METAP1D: variants seen among roughly 807,000 people sequenced by gnomAD.
The protein encoded by METAP1D is methionyl aminopeptidase type 1D, mitochondrial, also known as methionine aminopeptidase 1D, mitochondrial.
METAP1D carries 31 observed loss-of-function variants against 40.5 expected under a neutral mutation model. The ratio of observed to expected loss-of-function variants is 0.77; its 90% CI spans 0.58 to 1.03. The LOEUF (loss-of-function observed/expected upper bound fraction) is 1.03, where lower values mean the gene tolerates loss of function less well. Among genes scored for constraint, METAP1D ranks in the 50% least tolerant of loss-of-function variants. The probability of loss-of-function intolerance (pLI) is 0.00; values close to 1 mark genes in which losing one functional copy is unlikely to be tolerated. For synonymous variants in METAP1D, 151 were observed against 146.4 expected, an observed-to-expected ratio of 1.03 and a Z score of -0.22; for missense variants, 411 against 420.7, an observed-to-expected ratio of 0.98 and a Z score of 0.20.
At chr2:172,042,239 GTA>G (rs1559006820) in intron 1 of METAP1D, among the ~76,000 whole-genome samples, 2 of 37,140 alleles carry the variant, frequency 5.4e-5, no homozygotes, top group African/African-American at 6.2e-5. Flanking sequence ...ATATACATAT[GTA>G]TGTGTACATG....
At chr2:172,018,451 C>T (rs1688930906) in intron 1 of METAP1D, among the ~76,000 whole-genome samples, 2 of 152,204 alleles carry the variant, frequency 1.3e-5, no homozygotes, top group African/African-American at 4.8e-5. Flanking sequence ...CAGGAATCAA[C>T]TGGTGGCACC....
chr2:172,033,154 A>G (rs1689278617), intron 1 of METAP1D, among the ~76,000 whole-genome samples: 1 of 152,148 alleles, frequency 6.6e-6, no homozygotes, highest in Admixed American at 6.5e-5. Context: ...AATACAAAGG[A>G]CAGAGAAACA....
chr2:172,024,003 C>T (rs536609587), intron 1 of METAP1D, among the ~76,000 whole-genome samples: 48 of 151,954 alleles, frequency 3.2e-4, no homozygotes, highest in East Asian at 1.9e-3. Flanking sequence ...TACAGGCGCC[C>T]GCCACCATGC....
chr2:172,052,146 G>C (rs1275534329), intron 1 of METAP1D, among the ~76,000 whole-genome samples: 1 of 152,198 alleles, frequency 6.6e-6, no homozygotes, highest in African/African-American at 2.4e-5. Flanking sequence ...TCCAACACCT[G>C]CATACCAACT....
rs536755610 is a variant in METAP1D at position 172,005,630 on chromosome 2, C to T, written c.40+5621C>T. On this transcript the variant is annotated intron_variant, in intron 1 of 9. Transcript: ENST00000315796. ...TCGGCTCACTGCAACCTCCGCCTCC[C>T]GGGTTCAAGCAATTCTCTTGCCTTA... Among the ~76,000 whole-genome samples the T allele has an allele frequency of 1.5e-4, 23 of 149,126 alleles. No individual in the cohort carries two copies. In the South Asian group the frequency reaches 3.4e-3, roughly 22 times the overall value.
At chr2:172,020,413 CAAAA>C (rs1048935332) in intron 1 of METAP1D, among the ~76,000 whole-genome samples, 1 of 151,978 alleles carries the variant, frequency 6.6e-6, no homozygotes, top group African/African-American at 2.4e-5. Context: ...AAAACAACAA[CAAAA>C]AAAGCAGGGG....
chr2:172,049,223 G>T (rs1574125574), intron 1 of METAP1D, among the ~76,000 whole-genome samples: 1 of 152,014 alleles, frequency 6.6e-6, no homozygotes, highest in Non-Finnish European at 1.5e-5. Context: ...GGACTCAAGC[G>T]ATTCACAGGC....
chr2:172,037,447 A>G (rs1166539053), intron 1 of METAP1D, among the ~76,000 whole-genome samples: 1 of 78,110 alleles, frequency 1.3e-5, no homozygotes, highest in African/African-American at 4.2e-5. Context: ...AGGAGAGAGC[A>G]TTTTTGTACC....
Position 171,999,995 on chromosome 2 carries a change from TGC to T in METAP1D, c.27_28del (p.Leu10ArgfsTer7). The T allele has an allele frequency of 1.7e-5, 23 of 1,343,876 alleles. No homozygotes were observed. Among genetic ancestry groups the T allele is most frequent in the Non-Finnish European group, 2.2e-5 (23 of 1,039,592 alleles). The allele number at this position is 1,343,876 out of a possible 1,614,324, so 83.2% of individuals were successfully genotyped here. A position where few individuals can be genotyped will look rare whatever the true frequency, so the allele number is the denominator to read the frequency against. ...ATGGCGGCGCCCAGTGGCGTCCACC[TGC>T]TCGTCCGCAGAGGTAAGCGCGTGGA... On this transcript the variant is annotated frameshift_variant, in exon 1 of 10. Transcript: ENST00000315796. LOFTEE classifies it high-confidence loss of function.
chr2:172,010,880 G>A (rs564678703), intron 1 of METAP1D, among the ~76,000 whole-genome samples: 2 of 150,824 alleles, frequency 1.3e-5, no homozygotes, highest in South Asian at 2.1e-4. Context: ...TCAGCCTCAC[G>A]AGTGGCTGGG....
chr2:172,042,951 C>CTG (rs1201906058), intron 1 of METAP1D, among the ~76,000 whole-genome samples: 22 of 124,916 alleles, frequency 1.8e-4, no homozygotes, highest in African/African-American at 5.1e-4. Flanking sequence ...GTATGCGTAC[C>CTG]TGTGTATATA....
intron 4 of METAP1D, 25 bp from the exon 5 acceptor site, chr2:172,066,239 A>T (rs535202084): frequency 1.3e-6 from 2 of 1,570,270 alleles, no homozygotes; most frequent in African/African-American, 1.4e-5. Flanking sequence ...GTCTATCACC[A>T]TTTTTTTTTC....
At chr2:172,006,090 A>G (rs1206999914) in intron 1 of METAP1D, among the ~76,000 whole-genome samples, 1 of 152,222 alleles carries the variant, frequency 6.6e-6, no homozygotes, top group Non-Finnish European at 1.5e-5. Context: ...TGTAAATAAA[A>G]TATCAATATT....
At chr2:172,007,791 G>A (rs1350973412) in intron 1 of METAP1D, among the ~76,000 whole-genome samples, 1 of 152,074 alleles carries the variant, frequency 6.6e-6, no homozygotes, top group East Asian at 1.9e-4. Flanking sequence ...CTGGGTTCAA[G>A]CAGTTCTCCT....
intron 1 of METAP1D, among the ~76,000 whole-genome samples, chr2:172,034,089 AAAAAC>A (rs1380677456): frequency 2.0e-5 from 3 of 150,584 alleles, no homozygotes; most frequent in South Asian, 2.1e-4. Context: ...AAAAAAAAAA[AAAAAC>A]AAAAGTCCTC....
chr2:172,025,024 A>G (rs1689094076), intron 1 of METAP1D, among the ~76,000 whole-genome samples: 1 of 152,176 alleles, frequency 6.6e-6, no homozygotes, highest in South Asian at 2.1e-4. Flanking sequence ...TTGGAAAGTG[A>G]GAATAAAGCC....
intron 1 of METAP1D, among the ~76,000 whole-genome samples, chr2:172,056,493 A>G (rs926740371): frequency 2.6e-5 from 4 of 152,172 alleles, no homozygotes; most frequent in African/African-American, 9.7e-5. Flanking sequence ...TGATTTGCCT[A>G]TGTCTGCCTC....
Position 172,071,060 on chromosome 2 carries a change from AAC to A in METAP1D, c.698_699del (p.Thr233AsnfsTer39). On this transcript the variant is annotated frameshift_variant, in exon 6 of 10. Coordinates refer to ENST00000315796, the MANE Select transcript of METAP1D (RefSeq NM_199227.3). LOFTEE classifies it high-confidence loss of function. ...AGGGGCTCCCTTCTCTGTAATTGGA[AAC>A]ACAATCAGGTAAGCCTTACATTGAC... ...RAGAPFSVIG[N>X]TISHITHQNG... 6.2e-7 allele frequency: 1 copy of A among 1,610,032 alleles called. No homozygotes were observed. Among genetic ancestry groups the A allele is most frequent in the Non-Finnish European group, 8.5e-7 (1 of 1,177,820 alleles).
intron 1 of METAP1D, 119 bp from the exon 2 acceptor site, chr2:172,061,379 C>T: frequency 1.2e-6 from 1 of 848,414 alleles, no homozygotes; most frequent in East Asian, 2.7e-5. Context: ...TGGGGCTTTT[C>T]CTTTTTCAGT....
Sources: allele counts gnomAD v4.1 joint callset (sites outside exome capture counted in the v4.1 genomes callset), GRCh38; gene constraint gnomAD v4.1.1; transcripts MANE v1.5; gene names NCBI Gene and HGNC (gene_info 2026-07-23, HGNC 2026-07-21).